Variants in RBFOX1 observed in about 807,000 individuals in gnomAD.
RBFOX1 encodes the protein RNA binding fox-1 homolog 1.
A neutral mutation model predicts 57.7 loss-of-function variants in RBFOX1; 8 were observed. The observed-to-expected ratio is 0.14, with a 90% CI of 0.08 to 0.25. RBFOX1 has a LOEUF of 0.25. Ranked by LOEUF, RBFOX1 falls within the 10% of genes least tolerant of loss-of-function variation. RBFOX1 has a pLI of 1.00. For missense variants in RBFOX1, 611 were observed against 548.5 expected (o/e 1.11, Z -1.14); for synonymous variants, 326 against 222.4 (o/e 1.47, Z -4.15).
intron 4 of RBFOX1, among the ~76,000 whole-genome samples, chr16:7,126,961 A>G (rs187788860): frequency 1.3e-5 from 2 of 150,688 alleles, no homozygotes; most frequent in Admixed American, 1.3e-4. Context: ...GTGAGCCAAG[A>G]TCGCGCCACT....
intron 4 of RBFOX1, among the ~76,000 whole-genome samples, chr16:5,892,025 G>T (rs1040068262): frequency 2.0e-5 from 3 of 152,194 alleles, no homozygotes; most frequent in Non-Finnish European, 4.4e-5. Context: ...TTCACTTACT[G>T]AATCATTTCA....
chr16:5,984,761 C>T (rs576069090), intron 4 of RBFOX1, among the ~76,000 whole-genome samples: 183 of 151,994 alleles, frequency 1.2e-3, no homozygotes, highest in Non-Finnish European at 5.0e-4. Context: ...GCCTCCTGCC[C>T]ACCTAGGCGG....
At chr16:6,184,281 G>T (rs1440884237) in intron 1 of RBFOX1, among the ~76,000 whole-genome samples, 2 of 152,134 alleles carry the variant, frequency 1.3e-5, no homozygotes, top group Non-Finnish European at 2.9e-5. Flanking sequence ...AGGATGTTGA[G>T]CACATGAGCA....
intron 4 of RBFOX1, among the ~76,000 whole-genome samples, chr16:7,142,889 A>G (rs537491764): frequency 1.7e-4 from 26 of 148,932 alleles, no homozygotes; most frequent in South Asian, 1.1e-3. Context: ...CCTTAATATC[A>G]TCTGCAGACA....
chr16:6,481,577 A>G (rs925943171), intron 2 of RBFOX1, among the ~76,000 whole-genome samples: 1 of 151,904 alleles, frequency 6.6e-6, no homozygotes, highest in Non-Finnish European at 1.5e-5. Flanking sequence ...TAATAATAAT[A>G]CTCTATATTT....
intron 3 of RBFOX1, among the ~76,000 whole-genome samples, chr16:7,045,954 G>A (rs371495564): frequency 6.6e-6 from 1 of 151,968 alleles, no homozygotes; most frequent in Non-Finnish European, 1.5e-5. Flanking sequence ...CACCATGCCC[G>A]GCCAAGATAA....
At chr16:6,159,976 G>C (rs781244747) in intron 1 of RBFOX1, among the ~76,000 whole-genome samples, 11 of 152,152 alleles carry the variant, frequency 7.2e-5, no homozygotes, top group Non-Finnish European at 1.3e-4. Flanking sequence ...AAGGGAACCT[G>C]AGACTTACTT....
chr16:5,609,012 C>G (rs1489608409), intron 3 of RBFOX1, among the ~76,000 whole-genome samples: 1 of 152,178 alleles, frequency 6.6e-6, no homozygotes, highest in African/African-American at 2.4e-5. Context: ...TTGATAACTA[C>G]AAATATCACA....
chr16:6,970,955 T>C (rs1206191623), intron 3 of RBFOX1, among the ~76,000 whole-genome samples: 1 of 152,184 alleles, frequency 6.6e-6, no homozygotes. Context: ...TGCACGTGCA[T>C]ACCTACCCAT....
At chr16:6,911,495 C>T (rs991928232) in intron 3 of RBFOX1, among the ~76,000 whole-genome samples, 2 of 152,130 alleles carry the variant, frequency 1.3e-5, no homozygotes, top group Non-Finnish European at 1.5e-5. Flanking sequence ...ATGTGTTCTC[C>T]CCATAAGCAT....
intron 4 of RBFOX1, among the ~76,000 whole-genome samples, chr16:7,367,503 C>T (rs1416759540): frequency 1.3e-5 from 2 of 152,176 alleles, no homozygotes; most frequent in African/African-American, 4.8e-5. Flanking sequence ...AGAGAAGTGA[C>T]CCTCTGCCTA....
In RBFOX1 at chr16:5,242,513, AC is replaced by A. The variant is rs2062193110; in HGVS notation, c.219+2411del. On this transcript the variant is annotated intron_variant, in intron 1 of 2. Coordinates refer to the RBFOX1 transcript ENST00000585867. ...TCTATGGGAATACTCTCTTTGAAGAACCCATGAAGCAGTGTCAGGCTGGTGT... is the reference window on the plus strand; with the variant it reads ...TCTATGGGAATACTCTCTTTGAAGAACCATGAAGCAGTGTCAGGCTGGTGT... Among the ~76,000 whole-genome samples, 3 of 152,162 alleles carry A rather than the reference AC, an allele frequency of 2.0e-5. No individual in the cohort carries two copies. The South Asian group carries it at 6.2e-4, about 32-fold the overall frequency.
intron 1 of RBFOX1, chr16:5,467,174 TTCTCTCTCTCTC>T (rs34212245): frequency 9.3e-5 from 117 of 1,264,636 alleles, no homozygotes; most frequent in Non-Finnish European, 1.1e-4. Flanking sequence ...TCAATGTTTC[TTCTCTCTCTCTC>T]TCTCTCTCTC....
chr16:6,925,543 A>G (rs189386707), intron 3 of RBFOX1, among the ~76,000 whole-genome samples: 47 of 151,866 alleles, frequency 3.1e-4, no homozygotes, highest in Admixed American at 9.8e-4. Context: ...ATTTTGATCT[A>G]TTTTATTCAC....
intron 3 of RBFOX1, among the ~76,000 whole-genome samples, chr16:6,931,441 G>A (rs967361577): frequency 1.3e-5 from 2 of 151,900 alleles, no homozygotes; most frequent in Admixed American, 6.6e-5. Flanking sequence ...AACGTCTGCT[G>A]CCTTGGACCA....
At chr16:6,763,896 G>C (rs1341099955) in intron 3 of RBFOX1, among the ~76,000 whole-genome samples, 1 of 152,148 alleles carries the variant, frequency 6.6e-6, no homozygotes, top group East Asian at 1.9e-4. Flanking sequence ...TTATGTTCAG[G>C]AACCTGTGCT....
chr16:6,685,651 G>A (rs1414426057), intron 3 of RBFOX1, among the ~76,000 whole-genome samples: 1 of 151,946 alleles, frequency 6.6e-6, no homozygotes, highest in African/African-American at 2.4e-5. Context: ...TTACACAAAA[G>A]TCATCCATAC....
At chr16:6,604,860 G>T (rs1429119943) in intron 2 of RBFOX1, among the ~76,000 whole-genome samples, 1 of 152,060 alleles carries the variant, frequency 6.6e-6, no homozygotes, top group Admixed American at 6.5e-5. Flanking sequence ...ATGAGCTTGG[G>T]CCTGGTGGCA....
intron 3 of RBFOX1, among the ~76,000 whole-genome samples, chr16:7,017,128 T>A (rs1275167632): frequency 6.6e-6 from 1 of 152,036 alleles, no homozygotes; most frequent in Non-Finnish European, 1.5e-5. Flanking sequence ...TCTCTCTAAA[T>A]AAAAAAGCAA....
Sources: allele counts gnomAD v4.1 joint callset (sites outside exome capture counted in the v4.1 genomes callset), GRCh38; gene constraint gnomAD v4.1.1; transcripts MANE v1.5; gene names NCBI Gene and HGNC (gene_info 2026-07-23, HGNC 2026-07-21).